CIITA: variants seen among roughly 807,000 people sequenced by gnomAD.
The protein encoded by CIITA is MHC class II transactivator.
In CIITA, 72 loss-of-function variants were observed where a neutral mutation model predicts 115.1. The ratio of observed to expected loss-of-function variants is 0.63; its 90% confidence interval spans 0.52 to 0.76. CIITA has a LOEUF of 0.76. Ranked by LOEUF, CIITA falls within the 30% of genes least tolerant of loss-of-function variation. The pLI is 0.00. For synonymous variants in CIITA, 763 were observed against 635.6 expected (o/e 1.20, Z -3.02); for missense variants, 1,617 against 1,463.8 (o/e 1.10, Z -1.71).
intron 1 of CIITA, among the ~76,000 whole-genome samples, chr16:10,880,857 G>A (rs1336206600): frequency 6.6e-5 from 10 of 152,180 alleles, no homozygotes; most frequent in Non-Finnish European, 1.3e-4. Context: ...CTGTAAAATG[G>A]ATAAAACATG....
rs77554352 is a variant in CIITA at position 10,912,207 on chromosome 16, C to T, written c.2888+1948C>T. ...TTGGCTCACTGCAATCTCCACCTCT[C>T]GGTTCAAGCAATTTTCCTGCCTCAG... On this transcript the variant is annotated intron_variant, in intron 13 of 19. Coordinates refer to ENST00000324288, the MANE Select transcript of CIITA (RefSeq NM_000246.4). Among the ~76,000 whole-genome samples, 14 of 152,004 alleles carry T rather than the reference C, an allele frequency of 9.2e-5. No homozygotes were observed. The East Asian group carries it at 1.6e-3, about 17-fold the overall frequency.
rs1470024267 is a variant in CIITA at position 10,923,583 on chromosome 16, C to T, written c.*22+258C>T. Among the ~76,000 whole-genome samples the T allele has an allele frequency of 6.6e-6, 1 of 152,196 alleles. No individual in the cohort carries two copies. Among genetic ancestry groups the T allele is most frequent in the Non-Finnish European group, 1.5e-5 (1 of 68,040 alleles). On this transcript the variant is annotated intron_variant, in intron 19 of 19. Coordinates refer to ENST00000324288, the MANE Select transcript of CIITA (RefSeq NM_000246.4). This position sits in a 1 kb window ranked among gnomAD's most constrained non-coding sequence, Gnocchi z 5.2. ...GTTGGCCATCCACATCCCACAGCCT[C>T]AGTGCTTGGAAGAGCTTCCTTTGGG... is the stretch of plus-strand genomic sequence containing the variant.
At chr16:10,908,852 G>T (rs1298003004) in intron 11 of CIITA, 177 bp from the exon 12 acceptor site, 1 of 845,732 alleles carries the variant, frequency 1.2e-6, no homozygotes, top group Non-Finnish European at 1.9e-6. Flanking sequence ...TGTGTGAGTT[G>T]TGAGAAAGTA....
intron 1 of CIITA, among the ~76,000 whole-genome samples, chr16:10,866,879 C>A (rs1315706583): frequency 6.6e-6 from 1 of 152,212 alleles, no homozygotes; most frequent in Non-Finnish European, 1.5e-5. Flanking sequence ...ATGGACAGAT[C>A]AGCTCCTGCC....
chr16:10,908,892 A>C, intron 11 of CIITA, 137 bp from the exon 12 acceptor site: 1 of 1,277,396 alleles, frequency 7.8e-7, no homozygotes, highest in East Asian at 2.4e-5. Context: ...GTGGTCATGG[A>C]AGGCTTTCTG....
intron 11 of CIITA, 77 bp from the exon 12 acceptor site, chr16:10,908,952 G>A (rs769979053): frequency 6.9e-6 from 11 of 1,603,004 alleles, no homozygotes; most frequent in East Asian, 2.2e-5. Flanking sequence ...ATAGGTAGGA[G>A]GACCCTTCAT....
rs77169590 is a variant in CIITA at position 10,898,936 on chromosome 16, C to A, written c.370C>A (p.Pro124Thr). The change falls in exon 5 of 20, where the codon CCA (proline) becomes ACA (threonine). Residue 124 changes from proline to threonine, a missense_variant. Physicochemically the swap from Pro to Thr is conservative, Grantham distance 38 (BLOSUM62 -1). Coordinates refer to ENST00000324288, the MANE Select transcript of CIITA (RefSeq NM_000246.4). ...TTTTCTCAAAGTAGAGCACATAGGACCAGATGAAGTGATCGGTGAGAGTAT... is the reference window on the plus strand; with the variant it reads ...TTTTCTCAAAGTAGAGCACATAGGAACAGATGAAGTGATCGGTGAGAGTAT... ...LSKDIFKHIGPDEVIGESMEM... is the reference protein window; with the variant it reads ...LSKDIFKHIGTDEVIGESMEM... 1,139 of 1,613,836 alleles carry A rather than the reference C, an allele frequency of 7.1e-4. 6 individuals are homozygous for A. In the African/African-American group the frequency reaches 0.014, roughly 20 times the overall value.
At chr16:10,897,452 C>G (rs1240396380) in intron 3 of CIITA, among the ~76,000 whole-genome samples, 2 of 152,228 alleles carry the variant, frequency 1.3e-5, no homozygotes, top group African/African-American at 4.8e-5. Flanking sequence ...GGCCCCACCT[C>G]TCAATACTGC....
chr16:10,876,665 T>C (rs780189496), upstream of CIITA, among the ~76,000 whole-genome samples: 7 of 152,218 alleles, frequency 4.6e-5, no homozygotes, highest in Admixed American at 4.6e-4. Context: ...GGTACCATAT[T>C]TGGGTTAACA....
rs948508818 is a variant in CIITA, at chr16:10,907,898, G to A, written c.2406G>A (p.Arg802=). 3.1e-6 allele frequency: 5 copies of A among 1,587,690 alleles called. No individual in the cohort carries two copies. The highest frequency in any genetic ancestry group is 1.7e-4 in the Middle Eastern group (1 of 5,900). The part of the protein sequence containing the change: ...YLKRLQPGTL[R]ARQLLELLHC... ...AGCGGCTGCAGCCGGGGACACTGCGGGCGCGGCAGCTGCTGGAGCTGCTGC... is the reference window on the plus strand; with the variant it reads ...AGCGGCTGCAGCCGGGGACACTGCGAGCGCGGCAGCTGCTGGAGCTGCTGC... The change falls in exon 11 of 20, where the codon CGG becomes CGA. Residue 802 remains arginine, a synonymous_variant. Transcript: ENST00000324288. This position sits in a 1 kb window ranked among gnomAD's most constrained non-coding sequence, Gnocchi z 5.0.
Position 10,887,021 on chromosome 16 carries a change from G to A in CIITA, c.53-8261G>A, listed in dbSNP as rs187339379. On this transcript the variant is annotated intron_variant, in intron 1 of 19. Transcript: ENST00000324288. ...CTTACGGGGTGCTCAGTGAATCATTGTTTTACAGCTTTAGAGGGGAAAAGT... is the reference window on the plus strand; with the variant it reads ...CTTACGGGGTGCTCAGTGAATCATTATTTTACAGCTTTAGAGGGGAAAAGT... Among the ~76,000 whole-genome samples, 193 of 152,308 alleles carry A rather than the reference G, an allele frequency of 1.3e-3. 2 individuals carry two copies. Among genetic ancestry groups the A allele is most frequent in the South Asian group, 2.1e-4 (1 of 4,826 alleles).
rs2040883222 is a variant in CIITA, at chr16:10,933,412, C to A, written c.*9557C>A. ...GAATTCTTTCCTAGAGTTCAGCTGC[C>A]CGCTGTCCTGCTCCTCAGGGCAAAT... On this transcript the variant is annotated 3_prime_UTR_variant, in exon 20 of 20. Transcript: ENST00000324288. The A allele has an allele frequency of 6.6e-6, 1 of 152,242 alleles. No individual in the cohort carries two copies. The highest frequency in any genetic ancestry group is 1.5e-5 in the Non-Finnish European group (1 of 68,072). The allele number at this position is 152,242 out of a possible 1,614,324, so 9.4% of individuals were successfully genotyped here.
At chr16:10,868,232 T>C (rs893530583) in intron 1 of CIITA, among the ~76,000 whole-genome samples, 4 of 150,882 alleles carry the variant, frequency 2.7e-5, no homozygotes, top group African/African-American at 1.0e-4. Context: ...CCCATCCTTA[T>C]TTAACACTTA....
chr16:10,924,986 C>T lies in CIITA; in HGVS notation c.*1131C>T, dbSNP rs2145205310. ...GCTTAAAACAACACTCACATTTATT[C>T]TGCTCACATATCTGTCATTTGAGCA... On this transcript the variant is annotated 3_prime_UTR_variant, in exon 20 of 20. Coordinates refer to ENST00000324288, the MANE Select transcript of CIITA (RefSeq NM_000246.4). 1 of 152,420 alleles carries T rather than the reference C, an allele frequency of 6.6e-6. No homozygotes were observed. Among genetic ancestry groups the T allele is most frequent in the East Asian group, 1.9e-4 (1 of 5,184 alleles). 9.4% of individuals were successfully genotyped at this position (152,420 alleles called of 1,614,324 possible).
intron 1 of CIITA, among the ~76,000 whole-genome samples, chr16:10,885,591 G>A (rs914224811): frequency 6.6e-6 from 1 of 152,076 alleles, no homozygotes; most frequent in Admixed American, 6.5e-5. Context: ...ATCTACACTT[G>A]GTTTGCAAAC....
At chr16:10,881,116 C>T (rs907818162) in intron 1 of CIITA, among the ~76,000 whole-genome samples, 1 of 151,880 alleles carries the variant, frequency 6.6e-6, no homozygotes, top group Non-Finnish European at 1.5e-5. Flanking sequence ...TCTACTAAAA[C>T]ACTTTTTTGT....
chr16:10,875,609 A>G (rs998312159), upstream of CIITA, among the ~76,000 whole-genome samples: 2 of 152,142 alleles, frequency 1.3e-5, no homozygotes, highest in African/African-American at 2.4e-5. Context: ...TTTTCCACAT[A>G]ACACTTTACT....
rs775913876 is a variant in CIITA, at chr16:10,922,233, G to A, written c.3216G>A (p.Val1072=). ...TGGCTCGTGTGCTTCCGGACATGGT[G>A]TCCCTCCGGGTGATGGAGTGAGTGT... ...ESLARVLPDM[V]SLRVMDVQYN... Residue 1072 remains valine, a synonymous_variant, in exon 17 of 20, where the codon GTG becomes GTA. Transcript: ENST00000324288. 1.2e-5 allele frequency: 19 copies of A among 1,614,132 alleles called. No homozygotes were observed. Among genetic ancestry groups the A allele is most frequent in the Admixed American group, 6.7e-5 (4 of 60,016 alleles).
At chr16:10,900,747 A>C (rs973548750) in intron 5 of CIITA, among the ~76,000 whole-genome samples, 6 of 152,136 alleles carry the variant, frequency 3.9e-5, no homozygotes, top group Non-Finnish European at 5.9e-5. Flanking sequence ...TTCAAAAAAA[A>C]AAAAAAATGT....
Sources: allele counts gnomAD v4.1 joint callset (sites outside exome capture counted in the v4.1 genomes callset), GRCh38; gene constraint gnomAD v4.1.1; non-coding constraint Gnocchi (gnomAD v3.1); transcripts MANE v1.5; gene names NCBI Gene and HGNC (gene_info 2026-07-23, HGNC 2026-07-21).